CLEC5A: variants seen among roughly 807,000 people sequenced by gnomAD.
CLEC5A encodes C-type lectin domain containing 5A.
Under a neutral mutation model 24.4 loss-of-function variants are expected in CLEC5A, and 15 were observed. That is an observed-to-expected ratio of 0.62 (90% CI 0.41 to 0.95). CLEC5A has a LOEUF of 0.95. Among genes scored for constraint, CLEC5A ranks in the 40% least tolerant of loss-of-function variants. CLEC5A has a pLI of 0.00. For missense variants in CLEC5A, 211 were observed against 224.0 expected, an observed-to-expected ratio of 0.94 and a Z score of 0.37; for synonymous variants, 71 against 72.6, an observed-to-expected ratio of 0.98 and a Z score of 0.11.
intron 4 of CLEC5A, 61 bp downstream of exon 4, chr7:141,943,835 C>CT: frequency 1.7e-6 from 2 of 1,158,840 alleles, no homozygotes; most frequent in Non-Finnish European, 2.6e-6. Flanking sequence ...GGAGAAATCT[C>CT]TAAGAATTCA....
intron 4 of CLEC5A, among the ~76,000 whole-genome samples, chr7:141,943,520 A>C (rs1366034564): frequency 1.3e-5 from 2 of 152,120 alleles, no homozygotes; most frequent in Admixed American, 6.6e-5. Context: ...ATTTGCTGGC[A>C]CAACAGGGTG....
intron 4 of CLEC5A, 67 bp from the exon 5 acceptor site, chr7:141,936,017 A>T: frequency 7.8e-7 from 1 of 1,288,232 alleles, no homozygotes; most frequent in South Asian, 1.2e-5. Flanking sequence ...CAACTAAGTC[A>T]TGAAACAGTG....
In CLEC5A at chr7:141,940,461, C is replaced by CAA. The variant is rs541841002; in HGVS notation, c.208+3433_208+3434dup. 4.0e-3 allele frequency among the ~76,000 whole-genome samples: 588 copies of CAA among 148,770 alleles called. 3 individuals carry two copies. The highest frequency in any genetic ancestry group is 0.014 in the African/African-American group (563 of 40,784). On this transcript the variant is annotated intron_variant, in intron 4 of 6. Transcript: ENST00000546910. ...AGTTTATACCTATAAGTGCCTGCATCAAAAAAAACCAAGAAAAAATAAAAA... is the reference window on the plus strand; with the variant it reads ...AGTTTATACCTATAAGTGCCTGCATCAAAAAAAAAACCAAGAAAAAATAAAAA...
intron 4 of CLEC5A, among the ~76,000 whole-genome samples, chr7:141,938,124 C>A (rs1377742284): frequency 6.6e-6 from 1 of 152,166 alleles, no homozygotes; most frequent in Non-Finnish European, 1.5e-5. Flanking sequence ...TGATGAACAT[C>A]CACAAGTATC....
At chr7:141,934,440 TG>T (rs1284758786) in intron 5 of CLEC5A, among the ~76,000 whole-genome samples, 2 of 151,104 alleles carry the variant, frequency 1.3e-5, no homozygotes, top group African/African-American at 2.4e-5. Flanking sequence ...ACAGGAAGAG[TG>T]GGGGGGTCAA....
intron 6 of CLEC5A, 65 bp from the exon 7 acceptor site, chr7:141,930,283 C>G (rs1319081362): frequency 7.4e-6 from 9 of 1,216,788 alleles, no homozygotes; most frequent in African/African-American, 1.5e-5. Context: ...GATGGCCCAT[C>G]ATTTTAGCCC....
At chr7:141,932,361 G>A (rs1554440505) in intron 5 of CLEC5A, among the ~76,000 whole-genome samples, 1 of 152,172 alleles carries the variant, frequency 6.6e-6, no homozygotes, top group African/African-American at 2.4e-5. Context: ...AATCCAAGAA[G>A]AAATAAGCAA....
At chr7:141,941,129 A>T (rs1802785581) in intron 4 of CLEC5A, among the ~76,000 whole-genome samples, 1 of 152,098 alleles carries the variant, frequency 6.6e-6, no homozygotes, top group Non-Finnish European at 1.5e-5. Flanking sequence ...ACATCAAAAA[A>T]TGAAACTACA....
In CLEC5A at chr7:141,931,734, A is replaced by G; in HGVS notation, c.438T>C (p.Ser146=). The G allele has an allele frequency of 2.5e-6, 4 of 1,574,330 alleles. No individual in the cohort carries two copies. The highest frequency in any genetic ancestry group is 3.5e-6 in the Non-Finnish European group (4 of 1,143,776). Residue 146 remains serine (S), a synonymous_variant, in exon 6 of 7, where the codon TCT becomes TCC. Coordinates refer to ENST00000546910, the MANE Select transcript of CLEC5A (RefSeq NM_013252.3). ...TGTTCACGTACTTGCCATTGAACAC[A>G]GAGTTGTTGATCCAACGCCACCTTT... ...EEKRWRWINN[S]VFNGNVTNQN...
chr7:141,946,332 G>A lies in CLEC5A; in HGVS notation c.-20-20C>T. ...AGGGGCCTGTGAAGATTAGAGCACA[G>A]CAGCATCAGAATTCGGGTACAAGGC... On this transcript the variant is annotated intron_variant, in intron 1 of 6. Coordinates refer to ENST00000546910, the MANE Select transcript of CLEC5A (RefSeq NM_013252.3). 6.5e-7 allele frequency: 1 copy of A among 1,548,780 alleles called. No individual in the cohort carries two copies. Among genetic ancestry groups the A allele is most frequent in the Non-Finnish European group, 8.7e-7 (1 of 1,144,872 alleles).
intron 4 of CLEC5A, among the ~76,000 whole-genome samples, chr7:141,941,674 A>G (rs1197917947): frequency 2.0e-5 from 3 of 152,140 alleles, no homozygotes; most frequent in Non-Finnish European, 4.4e-5. Context: ...TTATATTTGT[A>G]AAAACCTAAA....
chr7:141,945,827 C>G lies in CLEC5A; in HGVS notation c.79+387G>C, dbSNP rs181038605. On this transcript the variant is annotated intron_variant, in intron 2 of 6. Coordinates refer to ENST00000546910, the MANE Select transcript of CLEC5A (RefSeq NM_013252.3). ...AGAGAAATTTCTTTCTCAGTTAAAT[C>G]CTGTTACATTATACTTCAGCTCTTA... 3.1e-4 allele frequency: 97 copies of G among 310,214 alleles called. 1 individual carries two copies. The East Asian group carries it at 7.6e-3, about 24-fold the overall frequency. The allele number at this position is 310,214 out of a possible 1,614,324, so 19.2% of individuals were successfully genotyped here.
chr7:141,938,800 C>T (rs1353639623), intron 4 of CLEC5A, among the ~76,000 whole-genome samples: 1 of 152,056 alleles, frequency 6.6e-6, no homozygotes, highest in African/African-American at 2.4e-5. Context: ...AGACCCACAG[C>T]GTTACTGGGC....
At chr7:141,933,281 G>A (rs749516303) in intron 5 of CLEC5A, among the ~76,000 whole-genome samples, 16 of 152,058 alleles carry the variant, frequency 1.1e-4, no homozygotes, top group Non-Finnish European at 2.1e-4. Flanking sequence ...TGAATTTTAG[G>A]AGATAGCTAA....
At chr7:141,938,052 A>T (rs1554441292) in intron 4 of CLEC5A, among the ~76,000 whole-genome samples, 2 of 152,192 alleles carry the variant, frequency 1.3e-5, no homozygotes, top group Non-Finnish European at 2.9e-5. Flanking sequence ...CCCAAGAAGG[A>T]TGGGTATAAA....
chr7:141,944,759 A>AT (rs1422649112), intron 3 of CLEC5A, among the ~76,000 whole-genome samples: 1 of 152,164 alleles, frequency 6.6e-6, no homozygotes, highest in African/African-American at 2.4e-5. Flanking sequence ...ACAAATTGGC[A>AT]TTCACTTTTT....
At chr7:141,946,519 C>T (rs1271725936) in intron 1 of CLEC5A, among the ~76,000 whole-genome samples, 2 of 152,218 alleles carry the variant, frequency 1.3e-5, no homozygotes, top group Admixed American at 6.5e-5. Context: ...ACTTGGCATA[C>T]TGCCTCTCCT....
intron 5 of CLEC5A, 94 bp downstream of exon 5, chr7:141,935,720 C>T: frequency 1.9e-6 from 2 of 1,074,304 alleles, no homozygotes; most frequent in Non-Finnish European, 2.7e-6. Context: ...TTCCTCACTC[C>T]ATCCCATCCC....
chr7:141,936,240 C>T (rs1474012623), intron 4 of CLEC5A: 1 of 386,756 alleles, frequency 2.6e-6, no homozygotes, highest in Non-Finnish European at 4.7e-6. Flanking sequence ...CATATACATA[C>T]ATGAGAACAA....
Sources: allele counts gnomAD v4.1 joint callset (sites outside exome capture counted in the v4.1 genomes callset), GRCh38; gene constraint gnomAD v4.1.1; transcripts MANE v1.5; gene names NCBI Gene and HGNC (gene_info 2026-07-23, HGNC 2026-07-21).